Variants in GABRB1 observed in about 807,000 individuals in gnomAD.
GABRB1 encodes gamma-aminobutyric acid receptor subunit beta-1.
GABRB1 carries 17 observed loss-of-function variants against 51.6 expected under a neutral mutation model. That is an observed-to-expected ratio of 0.33 (90% CI 0.23 to 0.49). The LOEUF is 0.49. GABRB1 is among the 20% of genes least tolerant of loss of function. GABRB1 has a pLI of 0.99. For synonymous variants in GABRB1, 247 were observed against 218.9 expected, an observed-to-expected ratio of 1.13 and a Z score of -1.14; for missense variants, 410 against 600.6, an observed-to-expected ratio of 0.68 and a Z score of 3.32.
chr4:47,148,944 T>C (rs527252197), intron 3 of GABRB1, among the ~76,000 whole-genome samples: 4 of 152,164 alleles, frequency 2.6e-5, no homozygotes, highest in East Asian at 3.9e-4. Context: ...GGAAAACCTT[T>C]TGTGCTTGCG....
chr4:47,051,913 G>T (rs1440502806), intron 3 of GABRB1, among the ~76,000 whole-genome samples: 2 of 152,138 alleles, frequency 1.3e-5, no homozygotes, highest in African/African-American at 4.8e-5. Flanking sequence ...CAGATCACTT[G>T]AGGCCAGGAG....
chr4:47,243,247 C>A (rs945085044), intron 4 of GABRB1, among the ~76,000 whole-genome samples: 2 of 152,154 alleles, frequency 1.3e-5, no homozygotes, highest in African/African-American at 4.8e-5. Flanking sequence ...TGGTCTATAT[C>A]TCTGTTTTGG....
intron 5 of GABRB1, among the ~76,000 whole-genome samples, chr4:47,361,076 T>C (rs1415238877): frequency 1.3e-5 from 2 of 152,080 alleles, no homozygotes; most frequent in African/African-American, 2.4e-5. Context: ...AATTTAAACC[T>C]AGTTAATTTG....
At chr4:47,004,885 T>A (rs1363511805) in intron 1 of GABRB1, among the ~76,000 whole-genome samples, 1 of 152,206 alleles carries the variant, frequency 6.6e-6, no homozygotes, top group African/African-American at 2.4e-5. Flanking sequence ...ATACTTATAG[T>A]TTCAATAGTT....
At chr4:47,007,032 TAGG>T (rs1317541106) in intron 1 of GABRB1, among the ~76,000 whole-genome samples, 1 of 151,810 alleles carries the variant, frequency 6.6e-6, no homozygotes, top group African/African-American at 2.4e-5. Context: ...CCCACCTACT[TAGG>T]AGGCTGGGGT....
Position 47,245,099 on chromosome 4 carries a change from C to A in GABRB1, c.462-75028C>A, listed in dbSNP as rs180765283. Among the ~76,000 whole-genome samples the A allele has an allele frequency of 1.5e-3, 226 of 151,940 alleles. 1 individual carries two copies. The highest frequency in any genetic ancestry group is 5.2e-3 in the African/African-American group (216 of 41,452). ...ATCAACAAAATTGATAGACCGCTAGCAAGACTAATAAAGAAGAAAAGAGAG... is the reference window on the plus strand; with the variant it reads ...ATCAACAAAATTGATAGACCGCTAGAAAGACTAATAAAGAAGAAAAGAGAG... On this transcript the variant is annotated intron_variant, in intron 4 of 8. Coordinates refer to ENST00000295454, the MANE Select transcript of GABRB1 (RefSeq NM_000812.4).
intron 3 of GABRB1, among the ~76,000 whole-genome samples, chr4:47,041,461 A>T (rs1560507524): frequency 2.6e-5 from 4 of 152,088 alleles, no homozygotes. Context: ...TTCTTTCCCT[A>T]CCTCTACTGA....
rs567399033 is a variant in GABRB1 at position 47,082,084 on chromosome 4, T to C, written c.240+49600T>C. Among the ~76,000 whole-genome samples, 382 of 152,174 alleles carry C rather than the reference T, an allele frequency of 2.5e-3. 3 individuals carry two copies. Among genetic ancestry groups the C allele is most frequent in the African/African-American group, 8.2e-3 (339 of 41,548 alleles). On this transcript the variant is annotated intron_variant, in intron 3 of 8. Coordinates refer to ENST00000295454, the MANE Select transcript of GABRB1 (RefSeq NM_000812.4). ...ATTTATAAACTGAAAGGTAGTGATA[T>C]AGATAATATTGCTATGTTTGGCTTC...
At chr4:47,390,382 C>G (rs187773310) in intron 5 of GABRB1, among the ~76,000 whole-genome samples, 3 of 152,196 alleles carry the variant, frequency 2.0e-5, no homozygotes, top group African/African-American at 7.2e-5. Context: ...AACACATTTA[C>G]GTACAAGACT....
chr4:47,123,841 TATATATATTATATC>T (rs1338911889), intron 3 of GABRB1, among the ~76,000 whole-genome samples: 3 of 95,514 alleles, frequency 3.1e-5, no homozygotes, highest in Non-Finnish European at 5.7e-5. Context: ...TATATTATAT[TATATATATTATATC>T]ATATATATGA....
intron 4 of GABRB1, among the ~76,000 whole-genome samples, chr4:47,222,484 C>A (rs369126345): frequency 1.3e-5 from 2 of 152,214 alleles, no homozygotes; most frequent in East Asian, 1.9e-4. Flanking sequence ...AAATGCATCT[C>A]TGCATTAGGC....
chr4:47,248,172 T>G (rs919741267), intron 4 of GABRB1, among the ~76,000 whole-genome samples: 2 of 152,126 alleles, frequency 1.3e-5, no homozygotes, highest in Non-Finnish European at 2.9e-5. Flanking sequence ...TGGCTTTTAT[T>G]GTATTGAGAT....
chr4:47,165,547 G>C (rs1196707827), intron 4 of GABRB1, among the ~76,000 whole-genome samples: 1 of 152,076 alleles, frequency 6.6e-6, no homozygotes, highest in Non-Finnish European at 1.5e-5. Context: ...AGTAATGACT[G>C]ACTCTGACTT....
intron 3 of GABRB1, among the ~76,000 whole-genome samples, chr4:47,107,933 G>A (rs977661646): frequency 7.2e-5 from 11 of 151,966 alleles, no homozygotes; most frequent in Admixed American, 2.6e-4. Context: ...GCTAACATTT[G>A]AATTCTTTTT....
At chr4:47,035,265 T>G (rs1237297504) in intron 3 of GABRB1, among the ~76,000 whole-genome samples, 1 of 152,130 alleles carries the variant, frequency 6.6e-6, no homozygotes, top group East Asian at 1.9e-4. Flanking sequence ...TCAAGAGTAT[T>G]ATCTGATTTC....
chr4:47,344,500 C>T (rs192638769), intron 5 of GABRB1, among the ~76,000 whole-genome samples: 1 of 152,082 alleles, frequency 6.6e-6, no homozygotes, highest in Non-Finnish European at 1.5e-5. Flanking sequence ...GAAACAATAC[C>T]AAAACATATA....
intron 4 of GABRB1, among the ~76,000 whole-genome samples, chr4:47,304,262 G>T (rs1375359430): frequency 6.6e-6 from 1 of 152,022 alleles, no homozygotes; most frequent in East Asian, 1.9e-4. Flanking sequence ...CTCACCAACA[G>T]TGTGCTAGGC....
At chr4:47,400,546 C>CTCTCTGTCTCTCTT (rs1553882302) in intron 5 of GABRB1, among the ~76,000 whole-genome samples, 1 of 150,742 alleles carries the variant, frequency 6.6e-6, no homozygotes, top group Admixed American at 6.6e-5. Flanking sequence ...CTCTCTCTCT[C>CTCTCTGTCTCTCTT]TCTCTCTCAG....
chr4:47,300,889 T>C (rs528369724), intron 4 of GABRB1, among the ~76,000 whole-genome samples: 2 of 152,264 alleles, frequency 1.3e-5, no homozygotes, highest in African/African-American at 4.8e-5. Context: ...CATATGTATA[T>C]ATGTATATGT....
Sources: gnomAD v4.1 joint callset for allele counts (sites outside exome capture counted in the v4.1 genomes callset) on GRCh38, gnomAD v4.1.1 for gene constraint, MANE v1.5 for transcripts, NCBI Gene and HGNC (gene_info 2026-07-23, HGNC 2026-07-21) for gene names.